The following TENM2 variants were observed in gnomAD, a reference collection of about 807,000 sequenced individuals.
TENM2 encodes the protein teneurin-2.
TENM2 carries 52 observed loss-of-function variants against 245.2 expected under a neutral mutation model. That is an observed-to-expected ratio of 0.21 (90% CI 0.17 to 0.27). TENM2 has a LOEUF of 0.27. Among genes scored for constraint, TENM2 ranks in the 10% least tolerant of loss-of-function variants. The probability of loss-of-function intolerance (pLI) is 1.00; values close to 1 mark genes in which losing one functional copy is unlikely to be tolerated. For missense variants in TENM2, 3,046 were observed against 3,666.8 expected, an observed-to-expected ratio of 0.83 and a Z score of 4.37; for synonymous variants, 1,363 against 1,438.9, an observed-to-expected ratio of 0.95 and a Z score of 1.19.
chr5:167,918,168 A>T (rs1313269083), intron 3 of TENM2, among the ~76,000 whole-genome samples: 2 of 152,196 alleles, frequency 1.3e-5, no homozygotes, highest in East Asian at 3.9e-4. Flanking sequence ...CTGTGAGATC[A>T]TGACGGGTTT....
chr5:167,205,237 T>A, the TENM2 span, among the ~76,000 whole-genome samples: 1 of 152,050 alleles, frequency 6.6e-6, no homozygotes, highest in Admixed American at 6.6e-5. Flanking sequence ...AAAAATTAGC[T>A]GGGCATGGTG....
At chr5:167,373,210 A>G (rs1162928318) in intron 1 of TENM2, among the ~76,000 whole-genome samples, 1 of 152,242 alleles carries the variant, frequency 6.6e-6, no homozygotes, top group Non-Finnish European at 1.5e-5. Context: ...TTCAGTGAAG[A>G]CAAGAAAAAA....
At chr5:167,143,520 T>C in the TENM2 span, among the ~76,000 whole-genome samples, 1 of 152,320 alleles carries the variant, frequency 6.6e-6, no homozygotes, top group East Asian at 1.9e-4. Flanking sequence ...TAAGAAAGAT[T>C]TTTTCCCACT....
At chr5:167,640,827 A>C (rs1222397356) in intron 2 of TENM2, among the ~76,000 whole-genome samples, 2 of 131,902 alleles carry the variant, frequency 1.5e-5, no homozygotes, top group Admixed American at 7.9e-5. Flanking sequence ...AAATAGAAAT[A>C]GAAATATATA....
the TENM2 span, among the ~76,000 whole-genome samples, chr5:167,189,282 A>G: frequency 2.0e-5 from 3 of 152,182 alleles, no homozygotes; most frequent in Admixed American, 6.5e-5. Context: ...TCTATTTGTT[A>G]CGTAGTGTGG....
At chr5:167,206,103 G>T in the TENM2 span, among the ~76,000 whole-genome samples, 1 of 152,144 alleles carries the variant, frequency 6.6e-6, no homozygotes, top group Non-Finnish European at 1.5e-5. Context: ...ACATGACATC[G>T]GGGCCAAAGG....
chr5:168,249,087 T>C (rs1038938717), intron 27 of TENM2, among the ~76,000 whole-genome samples: 7 of 147,346 alleles, frequency 4.8e-5, no homozygotes, highest in African/African-American at 1.8e-4. Flanking sequence ...GCCACTGCAC[T>C]CCACCTAGCC....
At chr5:167,433,087 T>C (rs2127446316) in intron 2 of TENM2, among the ~76,000 whole-genome samples, 1 of 151,862 alleles carries the variant, frequency 6.6e-6, no homozygotes, top group African/African-American at 2.4e-5. Flanking sequence ...CTTCCCAAAG[T>C]ATTAATTGGA....
the TENM2 span, among the ~76,000 whole-genome samples, chr5:167,108,142 T>C: frequency 0.012 from 1,828 of 152,304 alleles, 30 homozygotes; most frequent in African/African-American, 0.041. Flanking sequence ...TTTTGTTTTA[T>C]TGAGACAGAG....
At chr5:167,663,141 GGAGAGAGAGAGAGAGAGAGAGA>G (rs544699415) in intron 2 of TENM2, among the ~76,000 whole-genome samples, 5 of 108,582 alleles carry the variant, frequency 4.6e-5, no homozygotes, top group Admixed American at 1.9e-4. Context: ...ATGGGGATGG[GGAGAGAGAGAGAGAGAGAGAGA>G]GAGAGAGAGA....
rs1554127838 is a variant in TENM2, at chr5:167,834,661, T to TTTTTTTTTTC, written c.503-41325_503-41324insTTTTTTTTTC. 3.2e-5 allele frequency among the ~76,000 whole-genome samples: 4 copies of TTTTTTTTTTC among 124,800 alleles called. 2 individuals are homozygous for TTTTTTTTTTC. The highest frequency in any genetic ancestry group is 5.7e-5 in the African/African-American group (2 of 35,252). The allele number at this position is 124,800 out of a possible 152,430, so 81.9% of individuals were successfully genotyped here. ...ATTTCTTTTTTTTTTTTTTTTTTTT[T>TTTTTTTTTTC]CTTTTTGAGACGGAGTCTCGCTCTG... On this transcript the variant is annotated intron_variant, in intron 2 of 28. Coordinates refer to ENST00000518659, the Ensembl canonical transcript of TENM2.
chr5:167,377,816 C>G (rs1429242702), intron 2 of TENM2, among the ~76,000 whole-genome samples: 1 of 152,152 alleles, frequency 6.6e-6, no homozygotes, highest in East Asian at 1.9e-4. Flanking sequence ...TGGTTCCACA[C>G]CACGGCATGG....
chr5:168,018,848 A>G (rs10065915), intron 5 of TENM2, among the ~76,000 whole-genome samples: 9,487 of 152,258 alleles, frequency 0.062, 512 homozygotes, highest in African/African-American at 0.14. Flanking sequence ...TGGGTGACTG[A>G]GGTCCCTGTC....
the TENM2 span, among the ~76,000 whole-genome samples, chr5:167,099,285 TATAAA>T: frequency 2.6e-4 from 40 of 152,222 alleles, 1 homozygote; most frequent in Admixed American, 2.6e-3. Context: ...GTTTGACACA[TATAAA>T]ATATCCCTTT....
intron 13 of TENM2, among the ~76,000 whole-genome samples, chr5:168,178,413 C>T (rs913400748): frequency 6.6e-6 from 1 of 152,108 alleles, no homozygotes; most frequent in Non-Finnish European, 1.5e-5. Flanking sequence ...GAGCAGAGGC[C>T]CCTGCTCTCT....
chr5:168,090,702 G>C (rs1390487627), exon 8 of TENM2: 1 of 1,613,932 alleles, frequency 6.2e-7, no homozygotes, highest in Admixed American at 1.7e-5. Context: ...ATGTGGGCCT[G>C]TGGCATCTGG....
the TENM2 span, among the ~76,000 whole-genome samples, chr5:167,181,514 TC>T: frequency 7.6e-6 from 1 of 131,242 alleles, no homozygotes; most frequent in Non-Finnish European, 1.6e-5. Context: ...ATGTGTATTT[TC>T]TTGTTCACGT....
intron 2 of TENM2, among the ~76,000 whole-genome samples, chr5:167,808,449 G>T (rs563065888): frequency 6.6e-6 from 1 of 152,104 alleles, no homozygotes; most frequent in Middle Eastern, 3.2e-3. Flanking sequence ...TAGTAGAGAC[G>T]GGGTTTTGCC....
At chr5:168,202,929 C>T (rs1333826108) in intron 17 of TENM2, among the ~76,000 whole-genome samples, 1 of 152,192 alleles carries the variant, frequency 6.6e-6, no homozygotes, top group Non-Finnish European at 1.5e-5. Flanking sequence ...CTTACCACAT[C>T]TGTCTGAGAA....
Sources: gnomAD v4.1 joint callset for allele counts (sites outside exome capture counted in the v4.1 genomes callset) on GRCh38, gnomAD v4.1.1 for gene constraint, MANE v1.5 for transcripts, NCBI Gene and HGNC (gene_info 2026-07-23, HGNC 2026-07-21) for gene names.